Variants in CHST15 observed in about 807,000 individuals in gnomAD.
CHST15 encodes the protein carbohydrate sulfotransferase 15.
CHST15 carries 30 observed loss-of-function variants against 53.6 expected under a neutral mutation model. The ratio of observed to expected loss-of-function variants is 0.56; its 90% CI spans 0.42 to 0.76. The LOEUF is 0.76. Ranked by LOEUF, CHST15 falls within the 30% of genes least tolerant of loss-of-function variation. The probability of loss-of-function intolerance (pLI) is 0.00; values close to 1 mark genes in which losing one functional copy is unlikely to be tolerated. For missense variants in CHST15, 627 were observed against 740.5 expected (o/e 0.85, Z 1.78); for synonymous variants, 296 against 289.8 (o/e 1.02, Z -0.22).
chr10:124,093,011 C>G (rs1325429194), intron 1 of CHST15, among the ~76,000 whole-genome samples: 1 of 152,208 alleles, frequency 6.6e-6, no homozygotes. Flanking sequence ...GCTCGGTCCC[C>G]TGTCCCCTCG....
intron 5 of CHST15, among the ~76,000 whole-genome samples, chr10:124,026,152 G>A (rs931145589): frequency 6.6e-6 from 1 of 152,172 alleles, no homozygotes; most frequent in Non-Finnish European, 1.5e-5. Context: ...GGAGGACTGG[G>A]GTCATGTGGC....
Position 124,045,778 on chromosome 10 carries a change from G to A in CHST15, c.435C>T (p.Tyr145=), listed in dbSNP as rs200607988. The A allele has an allele frequency of 5.0e-6, 8 of 1,614,130 alleles. No individual in the cohort carries two copies. The highest frequency in any genetic ancestry group is 6.8e-6 in the Non-Finnish European group (8 of 1,180,026). ...ATTTAATGCTTGGATAGTCCTTCATGTATGAAATATTATTTACAGAGGATT... is the reference window on the plus strand; with the variant it reads ...ATTTAATGCTTGGATAGTCCTTCATATATGAAATATTATTTACAGAGGATT... ...HHQSSVNNIS[Y]MKDYPSIKLI... is the part of the protein sequence containing the mutation. Residue 145 remains tyrosine, a synonymous_variant, in exon 2 of 8, where the codon TAC becomes TAT. Coordinates refer to ENST00000435907, the MANE Select transcript of CHST15 (RefSeq NM_001270764.2).
At chr10:124,069,421 C>A (rs1948845244) in intron 1 of CHST15, among the ~76,000 whole-genome samples, 1 of 152,142 alleles carries the variant, frequency 6.6e-6, no homozygotes, top group African/African-American at 2.4e-5. Context: ...GCAGAGGCAC[C>A]ATGAACAGAG....
chr10:124,010,895 G>A (rs1946394312), intron 7 of CHST15: 1 of 985,346 alleles, frequency 1.0e-6, no homozygotes, highest in Admixed American at 6.1e-5. Context: ...CCCACTGGCT[G>A]AACCTCCATC....
chr10:124,040,524 C>G (rs906467897), intron 4 of CHST15, among the ~76,000 whole-genome samples: 17 of 152,336 alleles, frequency 1.1e-4, no homozygotes, highest in African/African-American at 3.6e-4. Context: ...GTCAAAAAGA[C>G]AGCAGAAGAA....
At position 124,046,124 on chromosome 10, in the gene CHST15, C is replaced by G. The variant is rs755059839; in HGVS notation, c.89G>C (p.Gly30Ala). Residue 30 changes from glycine (G) to alanine (A), a missense_variant, in exon 2 of 8, where the codon GGT becomes GCT. By Grantham distance (60) the Gly-to-Ala change is moderately conservative (BLOSUM62 0). Transcript: ENST00000435907. Reference protein sequence around the residue: ...QVNCQGGPHHGHQACPTCKGE... With the variant: ...QVNCQGGPHHAHQACPTCKGE... ...TTTGCACGTGGGGCACGCCTGGTGACCGTGATGGGGGCCCCCTTGGCAGTT... is the reference window on the plus strand; with the variant it reads ...TTTGCACGTGGGGCACGCCTGGTGAGCGTGATGGGGGCCCCCTTGGCAGTT... 1 of 1,614,206 alleles carries G rather than the reference C, an allele frequency of 6.2e-7. No individual in the cohort carries two copies. Among genetic ancestry groups the G allele is most frequent in the Non-Finnish European group, 8.5e-7 (1 of 1,180,038 alleles).
At chr10:124,031,477 G>T (rs577001547) in intron 5 of CHST15, among the ~76,000 whole-genome samples, 2 of 152,188 alleles carry the variant, frequency 1.3e-5, no homozygotes, top group Non-Finnish European at 2.9e-5. Flanking sequence ...AGCCTGTACC[G>T]CAGGAATCCT....
chr10:124,022,749 C>A (rs555613331), intron 5 of CHST15, among the ~76,000 whole-genome samples: 35 of 151,952 alleles, frequency 2.3e-4, no homozygotes, highest in African/African-American at 8.2e-4. Flanking sequence ...CCCCTTCCCC[C>A]TTGATGTTTC....
intron 1 of CHST15, among the ~76,000 whole-genome samples, chr10:124,089,604 C>T (rs2134264895): frequency 6.6e-6 from 1 of 152,306 alleles, no homozygotes; most frequent in Non-Finnish European, 1.5e-5. Flanking sequence ...TAATATCATA[C>T]CTGAGCATCC....
chr10:124,072,609 G>A (rs1004477679), intron 1 of CHST15, among the ~76,000 whole-genome samples: 1 of 152,112 alleles, frequency 6.6e-6, no homozygotes, highest in Non-Finnish European at 1.5e-5. Context: ...GAAAACCCAG[G>A]CCAGCTACCA....
Position 124,042,436 on chromosome 10 carries a change from G to A in CHST15, c.898C>T (p.Leu300=). ...WTRKRFGIVR[L]RDGLRDRYPV... is the part of the protein sequence containing the mutation. The stretch of plus-strand genomic sequence containing the variant: ...TAGCGGTCTCGCAGCCCATCTCTTA[G>A]GCGGACGATTCCTATGAGAACCAAG... The change falls in exon 4 of 8, where the codon CTA becomes TTA. Residue 300 remains leucine (L), a synonymous_variant. Transcript: ENST00000435907. 3.7e-6 allele frequency: 6 copies of A among 1,614,108 alleles called. No individual in the cohort carries two copies. Among genetic ancestry groups the A allele is most frequent in the Non-Finnish European group, 5.1e-6 (6 of 1,179,958 alleles).
At chr10:124,080,879 C>G (rs1949211280) in intron 1 of CHST15, among the ~76,000 whole-genome samples, 1 of 152,218 alleles carries the variant, frequency 6.6e-6, no homozygotes, top group Non-Finnish European at 1.5e-5. Context: ...CATTCTTTCC[C>G]ATGGACTAGG....
intron 1 of CHST15, among the ~76,000 whole-genome samples, chr10:124,075,759 C>T (rs1036716673): frequency 7.9e-5 from 12 of 152,198 alleles, no homozygotes; most frequent in Admixed American, 7.2e-4. Flanking sequence ...CTCCTCTCTC[C>T]CTCTCCACTG....
intron 4 of CHST15, among the ~76,000 whole-genome samples, chr10:124,039,716 A>T (rs780696691): frequency 1.9e-4 from 29 of 152,256 alleles, no homozygotes; most frequent in Non-Finnish European, 4.0e-4. Context: ...AGACTCTCTC[A>T]GAGGATGAAG....
At chr10:124,081,933 C>T (rs957598137) in intron 1 of CHST15, among the ~76,000 whole-genome samples, 3 of 152,192 alleles carry the variant, frequency 2.0e-5, no homozygotes, top group East Asian at 1.9e-4. Context: ...ATTTCATTCT[C>T]TGAATTGGTT....
intron 1 of CHST15, among the ~76,000 whole-genome samples, chr10:124,078,315 G>A (rs190778050): frequency 4.4e-4 from 67 of 152,308 alleles, no homozygotes; most frequent in Non-Finnish European, 7.3e-4. Flanking sequence ...AGGAATGTGG[G>A]CAGGGTGAAC....
chr10:124,021,500 A>T, intron 5 of CHST15, 88 bp from the exon 6 acceptor site: 1 of 1,531,748 alleles, frequency 6.5e-7, no homozygotes, highest in East Asian at 2.3e-5. Context: ...GTACAATTAC[A>T]TTATCTAGTT....
chr10:124,030,135 C>T (rs1947169658), intron 5 of CHST15, among the ~76,000 whole-genome samples: 1 of 152,180 alleles, frequency 6.6e-6, no homozygotes, highest in African/African-American at 2.4e-5. Flanking sequence ...CAAGATGTGG[C>T]GCCTCACCAG....
intron 1 of CHST15, among the ~76,000 whole-genome samples, chr10:124,062,509 G>T (rs186472393): frequency 6.6e-6 from 1 of 152,106 alleles, no homozygotes; most frequent in Non-Finnish European, 1.5e-5. Flanking sequence ...GGAGATTAAC[G>T]GCAGTACCGA....
Sources: gnomAD v4.1 joint callset for allele counts (sites outside exome capture counted in the v4.1 genomes callset) on GRCh38, gnomAD v4.1.1 for gene constraint, MANE v1.5 for transcripts, NCBI Gene and HGNC (gene_info 2026-07-23, HGNC 2026-07-21) for gene names.